GRID1: variants seen among roughly 807,000 people sequenced by gnomAD.
GRID1 encodes glutamate ionotropic receptor delta type subunit 1, also known as glutamate receptor ionotropic, delta-1.
Under a neutral mutation model 98.0 loss-of-function variants are expected in GRID1, and 28 were observed. The ratio of observed to expected loss-of-function variants is 0.29; its 90% CI spans 0.21 to 0.39. The LOEUF is 0.39. GRID1 is among the 10% of genes least tolerant of loss of function. GRID1 has a pLI of 1.00. For synonymous variants in GRID1, 553 were observed against 538.5 expected, an observed-to-expected ratio of 1.03 and a Z score of -0.37; for missense variants, 1,111 against 1,340.5, an observed-to-expected ratio of 0.83 and a Z score of 2.67.
At position 86,353,243 on chromosome 10, in the gene GRID1, T is replaced by C. The variant is rs369298002; in HGVS notation, c.235+10698A>G. Among the ~76,000 whole-genome samples the C allele has an allele frequency of 8.5e-5, 13 of 152,314 alleles. No homozygotes were observed. The South Asian group carries it at 2.3e-3, about 27-fold the overall frequency. ...AGCACATGACCAGGCCAGTCTCCTGTGGGTGCTGGGATGCACCCTGAGGAT... is the reference window on the plus strand; with the variant it reads ...AGCACATGACCAGGCCAGTCTCCTGCGGGTGCTGGGATGCACCCTGAGGAT... On this transcript the variant is annotated intron_variant, in intron 2 of 15. Coordinates refer to ENST00000327946, the MANE Select transcript of GRID1 (RefSeq NM_017551.3).
chr10:86,175,524 C>T (rs909026669), intron 3 of GRID1, among the ~76,000 whole-genome samples: 26 of 152,024 alleles, frequency 1.7e-4, no homozygotes, highest in African/African-American at 4.3e-4. Context: ...TGCCATCTCT[C>T]GAACCCACCC....
intron 6 of GRID1, among the ~76,000 whole-genome samples, chr10:85,858,601 G>C (rs903226501): frequency 1.3e-5 from 2 of 152,172 alleles, no homozygotes; most frequent in Middle Eastern, 3.2e-3. Flanking sequence ...GTTGTTATAA[G>C]GAATACAAGC....
chr10:85,751,150 A>G (rs1360879495), intron 8 of GRID1, among the ~76,000 whole-genome samples: 2 of 152,204 alleles, frequency 1.3e-5, no homozygotes, highest in Non-Finnish European at 2.9e-5. Flanking sequence ...CCATGAATGT[A>G]TAAGAATCTA....
At chr10:85,699,063 G>GT (rs1002945397) in intron 12 of GRID1, among the ~76,000 whole-genome samples, 5 of 151,454 alleles carry the variant, frequency 3.3e-5, no homozygotes, top group South Asian at 2.1e-4. Context: ...TTTTTGTTTT[G>GT]TTTTTTTGAG....
chr10:86,257,641 G>A (rs1160863069), intron 2 of GRID1, among the ~76,000 whole-genome samples: 5 of 152,148 alleles, frequency 3.3e-5, no homozygotes, highest in Non-Finnish European at 5.9e-5. Context: ...GCAGCTGAGC[G>A]CTGAGATCCA....
intron 4 of GRID1, among the ~76,000 whole-genome samples, chr10:85,966,670 T>A (rs1041201166): frequency 6.6e-6 from 1 of 151,806 alleles, no homozygotes; most frequent in Non-Finnish European, 1.5e-5. Flanking sequence ...AAAAATTAGC[T>A]GGACATGGTG....
chr10:86,038,516 G>T (rs1445492067), intron 4 of GRID1, among the ~76,000 whole-genome samples: 1 of 152,200 alleles, frequency 6.6e-6, no homozygotes, highest in Non-Finnish European at 1.5e-5. Flanking sequence ...TGCCATGTTT[G>T]CTCATGAGCC....
At chr10:86,017,876 G>A (rs1391358961) in intron 4 of GRID1, among the ~76,000 whole-genome samples, 1 of 152,150 alleles carries the variant, frequency 6.6e-6, no homozygotes, top group Non-Finnish European at 1.5e-5. Flanking sequence ...GGAAAGAGAG[G>A]AGGTTGGCCT....
intron 2 of GRID1, among the ~76,000 whole-genome samples, chr10:86,319,610 T>C (rs10887577): frequency 0.52 from 79,295 of 151,750 alleles, 23,930 homozygotes; most frequent in Non-Finnish European, 0.67. Context: ...CATCCCACCA[T>C]GGGGAGCACA....
chr10:85,722,515 C>T (rs899228374), intron 12 of GRID1, among the ~76,000 whole-genome samples: 3 of 152,036 alleles, frequency 2.0e-5, no homozygotes, highest in Non-Finnish European at 4.4e-5. Context: ...CATGAAGACA[C>T]ATTTTTAGTC....
At chr10:85,781,674 T>A (rs1431057726) in intron 8 of GRID1, among the ~76,000 whole-genome samples, 1 of 152,166 alleles carries the variant, frequency 6.6e-6, no homozygotes, top group Non-Finnish European at 1.5e-5. Flanking sequence ...AAATCTGTAT[T>A]TAAAGAGCAT....
chr10:85,855,947 G>T, intron 7 of GRID1, 82 bp downstream of exon 7: 1 of 1,290,538 alleles, frequency 7.7e-7, no homozygotes, highest in Non-Finnish European at 1.1e-6. Context: ...CTAGCTTCAG[G>T]CCAGCTACTA....
intron 2 of GRID1, among the ~76,000 whole-genome samples, chr10:86,217,812 A>G (rs976842271): frequency 6.6e-5 from 10 of 151,988 alleles, no homozygotes; most frequent in Admixed American, 3.3e-4. Context: ...CTGGTAACAG[A>G]CCACTGAGAA....
chr10:86,188,253 T>G (rs1247666623), intron 3 of GRID1, among the ~76,000 whole-genome samples: 2 of 152,362 alleles, frequency 1.3e-5, no homozygotes, highest in Non-Finnish European at 2.9e-5. Context: ...ACTTTTCCCC[T>G]AGCACAAGGC....
intron 4 of GRID1, among the ~76,000 whole-genome samples, chr10:86,057,907 T>C (rs1843596606): frequency 6.6e-6 from 1 of 152,226 alleles, no homozygotes; most frequent in African/African-American, 2.4e-5. Flanking sequence ...ATGTTGATTA[T>C]CTAACACTAT....
rs1185924787 is a variant in GRID1 at position 85,916,498 on chromosome 10, C to T, written c.727-259G>A. 6.6e-6 allele frequency among the ~76,000 whole-genome samples: 1 copy of T among 152,198 alleles called. No individual in the cohort carries two copies. Among genetic ancestry groups the T allele is most frequent in the Non-Finnish European group, 1.5e-5 (1 of 68,028 alleles). On this transcript the variant is annotated intron_variant, in intron 4 of 15. Coordinates refer to ENST00000327946, the MANE Select transcript of GRID1 (RefSeq NM_017551.3). The surrounding 1 kb of genome is among the most constrained non-coding windows in gnomAD (Gnocchi z 4.0). ...GATTAGACGCTTGGGTTCCTGCAGG[C>T]AGCACAGGGTCACAGGCACAGGCAC...
In GRID1 at chr10:85,636,762, AT is replaced by A. The variant is rs553570017; in HGVS notation, c.2193+10439del. On this transcript the variant is annotated intron_variant, in intron 13 of 15. Transcript: ENST00000327946. ...AAAAAAAATCCACTGACAAATAAATATTCTTTTGATCCCAAAACTAATAATG... is the reference window on the plus strand; with the variant it reads ...AAAAAAAATCCACTGACAAATAAATATCTTTTGATCCCAAAACTAATAATG... Among the ~76,000 whole-genome samples the A allele has an allele frequency of 1.4e-3, 213 of 152,346 alleles. 2 individuals carry two copies. The Middle Eastern group carries it at 0.017, about 12-fold the overall frequency.
intron 2 of GRID1, among the ~76,000 whole-genome samples, chr10:86,255,518 T>G (rs1360570181): frequency 6.6e-6 from 1 of 152,222 alleles, no homozygotes; most frequent in Non-Finnish European, 1.5e-5. Flanking sequence ...TGAGCTCCCT[T>G]GCCACCTGTG....
chr10:86,161,183 A>G (rs1175661429), intron 3 of GRID1, among the ~76,000 whole-genome samples: 2 of 152,256 alleles, frequency 1.3e-5, no homozygotes, highest in Non-Finnish European at 1.5e-5. Context: ...GGTGTGAGCC[A>G]TGCTTTTAGG....
Sources: allele counts gnomAD v4.1 joint callset (sites outside exome capture counted in the v4.1 genomes callset), GRCh38; gene constraint gnomAD v4.1.1; non-coding constraint Gnocchi (gnomAD v3.1); transcripts MANE v1.5; gene names NCBI Gene and HGNC (gene_info 2026-07-23, HGNC 2026-07-21).